The following LIMS1 variants were observed in gnomAD, a reference collection of about 807,000 sequenced individuals.
The protein encoded by LIMS1 is LIM and senescent cell antigen-like-containing domain protein 1.
LIMS1 carries 18 observed loss-of-function variants against 44.1 expected under a neutral mutation model. That is an observed-to-expected ratio of 0.41 (90% confidence interval 0.28 to 0.61). The LOEUF (loss-of-function observed/expected upper bound fraction) is 0.61, where lower values mean the gene tolerates loss of function less well. Among genes scored for constraint, LIMS1 ranks in the 20% least tolerant of loss-of-function variants. LIMS1 has a pLI of 0.32. For missense variants in LIMS1, 201 were observed against 422.0 expected (o/e 0.48, Z 4.59); for synonymous variants, 93 against 149.1 (o/e 0.62, Z 2.74).
intron 1 of LIMS1, among the ~76,000 whole-genome samples, chr2:108,629,171 GA>G (rs1688753769): frequency 6.6e-6 from 1 of 152,258 alleles, no homozygotes; most frequent in South Asian, 2.1e-4. Context: ...TAATGAGAAT[GA>G]AAAAATGGCA....
At chr2:108,679,490 T>A (rs986254910) in intron 8 of LIMS1, among the ~76,000 whole-genome samples, 2 of 151,564 alleles carry the variant, frequency 1.3e-5, no homozygotes, top group East Asian at 1.9e-4. Flanking sequence ...TCAAAAAAAA[T>A]AAATAAATGT....
intron 1 of LIMS1, among the ~76,000 whole-genome samples, chr2:108,586,861 G>T (rs2104670296): frequency 6.6e-6 from 1 of 152,258 alleles, no homozygotes; most frequent in Middle Eastern, 3.4e-3. Context: ...CTGGGAATGG[G>T]GGAGGGAACT....
At chr2:108,587,493 C>T (rs1686167217) in intron 1 of LIMS1, among the ~76,000 whole-genome samples, 6 of 152,018 alleles carry the variant, frequency 3.9e-5, no homozygotes, top group Admixed American at 3.9e-4. Flanking sequence ...TAAGCCACTG[C>T]ACCTGGCCGT....
intron 5 of LIMS1, chr2:108,673,752 G>T (rs575474404): frequency 2.0e-5 from 3 of 152,028 alleles, no homozygotes; most frequent in African/African-American, 7.2e-5. Flanking sequence ...TCAACTATCA[G>T]TCCATATTAA....
intron 1 of LIMS1, chr2:108,621,366 A>G: frequency 6.5e-7 from 1 of 1,550,162 alleles, no homozygotes; most frequent in Non-Finnish European, 8.7e-7. Context: ...TGACTGCATT[A>G]CAGCTTAAAG....
intron 2 of LIMS1, 41 bp downstream of exon 2, chr2:108,659,805 G>T: frequency 6.2e-7 from 1 of 1,611,984 alleles, no homozygotes; most frequent in Non-Finnish European, 8.5e-7. Context: ...GCCATTCCCC[G>T]CCCTCCCGCT....
At chr2:108,673,430 C>CA (rs1389822578) in intron 5 of LIMS1, 5 of 271,200 alleles carry the variant, frequency 1.8e-5, no homozygotes, top group Non-Finnish European at 2.8e-5. Flanking sequence ...CTCTATTGCC[C>CA]AGGCTGAAGT....
At chr2:108,620,174 T>C (rs1192776930) in intron 1 of LIMS1, among the ~76,000 whole-genome samples, 4 of 152,302 alleles carry the variant, frequency 2.6e-5, no homozygotes, top group East Asian at 1.9e-4. Flanking sequence ...GACTTCCCTT[T>C]CCTATGGGTT....
intron 1 of LIMS1, among the ~76,000 whole-genome samples, chr2:108,600,741 T>TA (rs1345439522): frequency 6.6e-6 from 1 of 152,228 alleles, no homozygotes; most frequent in East Asian, 1.9e-4. Context: ...TGTGTGTTTT[T>TA]ATGCCAATAC....
intron 1 of LIMS1, among the ~76,000 whole-genome samples, chr2:108,550,310 A>G (rs975133417): frequency 1.3e-5 from 2 of 151,326 alleles, no homozygotes; most frequent in Admixed American, 1.3e-4. Flanking sequence ...CCTGGCTAAC[A>G]CGGTGAAACC....
chr2:108,684,162 C>A, exon 10 of LIMS1: 1 of 411,636 alleles, frequency 2.4e-6, no homozygotes. Context: ...TTCATATAAT[C>A]GTGTTTAAAA....
intron 1 of LIMS1, among the ~76,000 whole-genome samples, chr2:108,591,533 C>T (rs974449198): frequency 3.3e-5 from 5 of 152,130 alleles, no homozygotes; most frequent in Non-Finnish European, 5.9e-5. Flanking sequence ...GATCATGGCT[C>T]ACTGCAGCCT....
At chr2:108,619,410 A>G (rs1424264479) in intron 1 of LIMS1, among the ~76,000 whole-genome samples, 2 of 151,514 alleles carry the variant, frequency 1.3e-5, no homozygotes, top group African/African-American at 4.9e-5. Flanking sequence ...AAGGCTGGGC[A>G]CGGTGGCACA....
chr2:108,580,250 A>G (rs1685834523), intron 1 of LIMS1, among the ~76,000 whole-genome samples: 1 of 152,166 alleles, frequency 6.6e-6, no homozygotes, highest in Admixed American at 6.5e-5. Flanking sequence ...GACTTCCTCT[A>G]ACTGCAGGGT....
chr2:108,589,150 T>C (rs1300315112), intron 1 of LIMS1, among the ~76,000 whole-genome samples: 1 of 151,962 alleles, frequency 6.6e-6, no homozygotes, highest in Non-Finnish European at 1.5e-5. Flanking sequence ...AAGTAAGGAG[T>C]TACTCTTATT....
At chr2:108,649,741 A>T (rs189730404) in intron 1 of LIMS1, among the ~76,000 whole-genome samples, 1 of 152,304 alleles carries the variant, frequency 6.6e-6, no homozygotes, top group East Asian at 1.9e-4. Context: ...CAAACACTGC[A>T]TGTTCTCATA....
chr2:108,562,343 C>A (rs754820938), intron 1 of LIMS1, among the ~76,000 whole-genome samples: 2 of 152,164 alleles, frequency 1.3e-5, no homozygotes, highest in Non-Finnish European at 2.9e-5. Context: ...GTGAGGAAGG[C>A]ATGTTGAAAG....
exon 10 of LIMS1, chr2:108,684,248 C>A (rs543385730): frequency 3.1e-5 from 6 of 195,082 alleles, no homozygotes; most frequent in South Asian, 3.6e-4. Flanking sequence ...AAAAAAAAAA[C>A]ACATGGTTAA....
intron 1 of LIMS1, among the ~76,000 whole-genome samples, chr2:108,546,873 T>C (rs2577593): frequency 0.17 from 25,112 of 152,074 alleles, 2,411 homozygotes; most frequent in African/African-American, 0.25. Context: ...GAGAATAAAG[T>C]TTCCTTAATG....
Sources: gnomAD v4.1 joint callset for allele counts (sites outside exome capture counted in the v4.1 genomes callset) on GRCh38, gnomAD v4.1.1 for gene constraint, MANE v1.5 for transcripts, NCBI Gene and HGNC (gene_info 2026-07-23, HGNC 2026-07-21) for gene names.